Variants in RBFOX1 observed in about 807,000 individuals in gnomAD.
The protein encoded by RBFOX1 is RNA binding fox-1 homolog 1.
RBFOX1 carries 8 observed loss-of-function variants against 57.7 expected under a neutral mutation model. That is an observed-to-expected ratio of 0.14 (90% confidence interval 0.08 to 0.25). The LOEUF is 0.25. Among genes scored for constraint, RBFOX1 ranks in the 10% least tolerant of loss-of-function variants. RBFOX1 has a pLI of 1.00. For synonymous variants in RBFOX1, 326 were observed against 222.4 expected (o/e 1.47, Z -4.15); for missense variants, 611 against 548.5 (o/e 1.11, Z -1.14).
chr16:7,255,000 G>A (rs1181898685), intron 4 of RBFOX1, among the ~76,000 whole-genome samples: 2 of 151,986 alleles, frequency 1.3e-5, no homozygotes. Flanking sequence ...AGTTTTATTT[G>A]CTGTTGTGTC....
At chr16:5,737,126 T>C (rs1299342480) in intron 3 of RBFOX1, among the ~76,000 whole-genome samples, 2 of 152,032 alleles carry the variant, frequency 1.3e-5, no homozygotes, top group Non-Finnish European at 2.9e-5. Flanking sequence ...GGCTCCACTT[T>C]CTGCTGGATG....
intron 3 of RBFOX1, among the ~76,000 whole-genome samples, chr16:7,039,483 T>C (rs1393871696): frequency 6.6e-6 from 1 of 152,222 alleles, no homozygotes; most frequent in African/African-American, 2.4e-5. Context: ...TCATTAATCA[T>C]GGCTGACTTG....
chr16:5,582,102 C>A (rs949588529), intron 2 of RBFOX1, among the ~76,000 whole-genome samples: 1 of 152,214 alleles, frequency 6.6e-6, no homozygotes, highest in African/African-American at 2.4e-5. Context: ...TGACAGCTCC[C>A]TCTTCTGCAG....
intron 2 of RBFOX1, among the ~76,000 whole-genome samples, chr16:6,596,796 A>T (rs2097780509): frequency 6.6e-6 from 1 of 152,168 alleles, no homozygotes; most frequent in Non-Finnish European, 1.5e-5. Context: ...CACAATACAC[A>T]AATGTACCCT....
intron 4 of RBFOX1, among the ~76,000 whole-genome samples, chr16:7,147,270 G>T (rs999203887): frequency 6.6e-6 from 1 of 151,466 alleles, no homozygotes; most frequent in African/African-American, 2.4e-5. Flanking sequence ...CTCCCAAAGT[G>T]CTGGGATTAC....
chr16:7,427,699 C>G (rs561827217), intron 4 of RBFOX1, among the ~76,000 whole-genome samples: 14 of 151,380 alleles, frequency 9.2e-5, no homozygotes, highest in Admixed American at 8.6e-4. Flanking sequence ...GGCTAGAGTG[C>G]ATGGAGTGCA....
chr16:5,525,852 C>T (rs1250835297), intron 2 of RBFOX1, among the ~76,000 whole-genome samples: 1 of 152,192 alleles, frequency 6.6e-6, no homozygotes, highest in East Asian at 1.9e-4. Flanking sequence ...CCTGTTGCTG[C>T]ATGCACCAAG....
At chr16:7,063,775 A>T (rs1459429796) in intron 4 of RBFOX1, among the ~76,000 whole-genome samples, 5 of 152,206 alleles carry the variant, frequency 3.3e-5, no homozygotes, top group Admixed American at 2.0e-4. Flanking sequence ...TTCCCTAAAC[A>T]TTCTGGATAA....
intron 4 of RBFOX1, among the ~76,000 whole-genome samples, chr16:7,086,373 A>G (rs1297758367): frequency 1.3e-5 from 2 of 152,124 alleles, no homozygotes; most frequent in Non-Finnish European, 2.9e-5. Flanking sequence ...CCCCTTCTGT[A>G]CATTGTATGT....
In RBFOX1 at chr16:6,965,607, G is replaced by C. The variant is rs145351243; in HGVS notation, c.-15-86450G>C. Among the ~76,000 whole-genome samples the C allele has an allele frequency of 2.6e-5, 4 of 152,224 alleles. No homozygotes were observed. In the East Asian group the frequency reaches 7.7e-4, roughly 29 times the overall value. The stretch of plus-strand genomic sequence containing the variant: ...CCAACTTGGCTTCCCAAAGTGCTGA[G>C]ATGACAGGCATGAGCCACTGCGCCT... On this transcript the variant is annotated intron_variant, in intron 3 of 15. Transcript: ENST00000550418.
At chr16:7,018,026 T>C (rs2094002476) in intron 3 of RBFOX1, among the ~76,000 whole-genome samples, 2 of 151,966 alleles carry the variant, frequency 1.3e-5, no homozygotes, top group African/African-American at 4.8e-5. Context: ...ATTTAGGAGG[T>C]TGTCATTCAC....
chr16:7,082,794 AC>A (rs1451916793), intron 4 of RBFOX1, among the ~76,000 whole-genome samples: 1 of 152,206 alleles, frequency 6.6e-6, no homozygotes, highest in Non-Finnish European at 1.5e-5. Flanking sequence ...CAGAGAGGCC[AC>A]CAGTAGCTTA....
intron 4 of RBFOX1, among the ~76,000 whole-genome samples, chr16:7,064,264 G>C (rs2055367558): frequency 6.9e-6 from 1 of 145,932 alleles, no homozygotes. Context: ...CGCCTCCCAG[G>C]TTCAAGTAAT....
At chr16:6,928,779 C>A (rs535087984) in intron 3 of RBFOX1, among the ~76,000 whole-genome samples, 2 of 152,104 alleles carry the variant, frequency 1.3e-5, no homozygotes, top group Non-Finnish European at 2.9e-5. Context: ...TGTTTGATTT[C>A]TTTCCGCTAT....
intron 2 of RBFOX1, among the ~76,000 whole-genome samples, chr16:5,516,872 C>T (rs1186041270): frequency 6.6e-6 from 1 of 152,208 alleles, no homozygotes; most frequent in African/African-American, 2.4e-5. Context: ...TTTCCTGCAG[C>T]ATCCCCAGCC....
chr16:7,550,313 GGAATCCTCTGCCCGT>G (rs1332457416), intron 5 of RBFOX1, among the ~76,000 whole-genome samples: 2 of 151,878 alleles, frequency 1.3e-5, no homozygotes, highest in East Asian at 3.9e-4. Context: ...AGTGGTTTCT[GGAATCCTCTGCCCGT>G]GAAGGTTAAT....
At chr16:7,317,729 T>G (rs2096470247) in intron 4 of RBFOX1, among the ~76,000 whole-genome samples, 1 of 152,206 alleles carries the variant, frequency 6.6e-6, no homozygotes, top group Admixed American at 6.5e-5. Flanking sequence ...CAGAACTGAC[T>G]TTGAGTCTGA....
intron 1 of RBFOX1, among the ~76,000 whole-genome samples, chr16:5,367,830 C>T (rs2065761488): frequency 6.6e-6 from 1 of 152,158 alleles, no homozygotes; most frequent in Admixed American, 6.5e-5. Context: ...AAACCTGGGT[C>T]TGTCTGTCTG....
intron 4 of RBFOX1, among the ~76,000 whole-genome samples, chr16:7,327,648 G>T (rs1293490982): frequency 6.6e-6 from 1 of 152,110 alleles, no homozygotes; most frequent in Non-Finnish European, 1.5e-5. Flanking sequence ...AAGAATGGTT[G>T]GGTTGATCCT....
Sources: allele counts gnomAD v4.1 joint callset (sites outside exome capture counted in the v4.1 genomes callset), GRCh38; gene constraint gnomAD v4.1.1; transcripts MANE v1.5; gene names NCBI Gene and HGNC (gene_info 2026-07-23, HGNC 2026-07-21).